Variants in ZNF385D observed in about 807,000 individuals in gnomAD.
ZNF385D encodes the protein zinc finger protein 659.
Under a neutral mutation model 35.8 loss-of-function variants are expected in ZNF385D, and 15 were observed. The ratio of observed to expected loss-of-function variants is 0.42; its 90% confidence interval spans 0.28 to 0.64. ZNF385D has a LOEUF of 0.64. Ranked by LOEUF, ZNF385D falls within the 30% of genes least tolerant of loss-of-function variation. ZNF385D has a pLI of 0.23. For synonymous variants in ZNF385D, 212 were observed against 186.8 expected (o/e 1.13, Z -1.10); for missense variants, 474 against 494.6 (o/e 0.96, Z 0.39).
chr3:21,648,965 T>C (rs1423772260), intron 2 of ZNF385D, among the ~76,000 whole-genome samples: 1 of 152,026 alleles, frequency 6.6e-6, no homozygotes, highest in East Asian at 1.9e-4. Flanking sequence ...GGAGACCAAG[T>C]AACTTTCCCT....
At chr3:21,833,718 A>G (rs1003324644) in intron 3 of ZNF385D, among the ~76,000 whole-genome samples, 1 of 152,214 alleles carries the variant, frequency 6.6e-6, no homozygotes, top group African/African-American at 2.4e-5. Context: ...ACTTGGAATC[A>G]AATGCTACGC....
At chr3:22,321,161 CTTG>C (rs1247763242) in intron 2 of ZNF385D, among the ~76,000 whole-genome samples, 10 of 51,566 alleles carry the variant, frequency 1.9e-4, no homozygotes, top group Admixed American at 9.4e-4. Context: ...CACTTATGAC[CTTG>C]TTTTTTTTTT....
intron 1 of ZNF385D, among the ~76,000 whole-genome samples, chr3:21,717,181 G>A (rs2068356894): frequency 1.3e-5 from 2 of 152,148 alleles, no homozygotes; most frequent in African/African-American, 4.8e-5. Context: ...GTTAATAAAT[G>A]TATAAATGGT....
In ZNF385D at chr3:21,910,657, C is replaced by G. The variant is rs564725198; in HGVS notation, c.326-245629G>C. 3.3e-5 allele frequency among the ~76,000 whole-genome samples: 5 copies of G among 151,630 alleles called. No homozygotes were observed. In the East Asian group the frequency reaches 7.7e-4, roughly 23 times the overall value. On this transcript the variant is annotated intron_variant, in intron 3 of 5. Coordinates refer to the ZNF385D transcript ENST00000494108. ...ATAATAATATAATTGTGTGAATGAA[C>G]AGACATGATTGATAGGTCAAAATAT...
intron 3 of ZNF385D, among the ~76,000 whole-genome samples, chr3:22,154,451 A>G (rs942367852): frequency 1.3e-5 from 2 of 152,194 alleles, no homozygotes; most frequent in Non-Finnish European, 2.9e-5. Flanking sequence ...GTAAGAAAAC[A>G]GAAGAAAATC....
intron 2 of ZNF385D, among the ~76,000 whole-genome samples, chr3:21,648,751 A>G (rs917189360): frequency 2.6e-5 from 4 of 152,150 alleles, no homozygotes; most frequent in African/African-American, 7.2e-5. Context: ...GAAAAGAGCA[A>G]TCATCATTGC....
intron 2 of ZNF385D, among the ~76,000 whole-genome samples, chr3:22,368,714 G>T (rs995517961): frequency 2.6e-5 from 4 of 152,024 alleles, no homozygotes; most frequent in Admixed American, 6.5e-5. Flanking sequence ...CATTACAGGG[G>T]CTCTACCCTT....
intron 1 of ZNF385D, among the ~76,000 whole-genome samples, chr3:21,745,684 G>A (rs934962886): frequency 6.6e-6 from 1 of 152,210 alleles, no homozygotes; most frequent in African/African-American, 2.4e-5. Flanking sequence ...CAGACAGAAA[G>A]AGAGAGGGCA....
chr3:22,187,871 C>G (rs1475579486), intron 2 of ZNF385D, among the ~76,000 whole-genome samples: 1 of 152,086 alleles, frequency 6.6e-6, no homozygotes, highest in Non-Finnish European at 1.5e-5. Context: ...TCCTTTCTCC[C>G]AGGGTAGCTG....
At chr3:21,972,931 G>T (rs966947832) in intron 3 of ZNF385D, among the ~76,000 whole-genome samples, 5 of 151,878 alleles carry the variant, frequency 3.3e-5, no homozygotes, top group African/African-American at 1.2e-4. Flanking sequence ...TAATAAGAAA[G>T]TCTCCCAGCA....
chr3:22,117,285 T>G (rs76890680), intron 3 of ZNF385D, among the ~76,000 whole-genome samples: 3,291 of 152,178 alleles, frequency 0.022, 50 homozygotes, highest in Middle Eastern at 0.044. Flanking sequence ...GCAATATACT[T>G]TGAGCAATAT....
At chr3:22,233,057 C>T (rs144966842) in intron 2 of ZNF385D, among the ~76,000 whole-genome samples, 67 of 152,056 alleles carry the variant, frequency 4.4e-4, no homozygotes, top group Non-Finnish European at 7.9e-4. Context: ...ACCATGATGC[C>T]CTGGGAAATT....
chr3:21,850,086 C>A (rs768837647), intron 3 of ZNF385D, among the ~76,000 whole-genome samples: 4 of 152,038 alleles, frequency 2.6e-5, no homozygotes, highest in Non-Finnish European at 4.4e-5. Context: ...ATTATGGCAA[C>A]TTATAATTTA....
chr3:21,919,842 A>G (rs1306143310), intron 3 of ZNF385D, among the ~76,000 whole-genome samples: 1 of 152,206 alleles, frequency 6.6e-6, no homozygotes, highest in Non-Finnish European at 1.5e-5. Flanking sequence ...AGAACTGAAT[A>G]ACTTTTCTGA....
At chr3:21,872,737 G>A (rs928116130) in intron 3 of ZNF385D, among the ~76,000 whole-genome samples, 2 of 151,986 alleles carry the variant, frequency 1.3e-5, no homozygotes, top group African/African-American at 4.8e-5. Flanking sequence ...AGGGATAAAA[G>A]CATCAAAAAA....
intron 2 of ZNF385D, among the ~76,000 whole-genome samples, chr3:22,292,313 T>A (rs565625109): frequency 6.6e-6 from 1 of 152,192 alleles, no homozygotes; most frequent in East Asian, 1.9e-4. Context: ...ATGCTGTATA[T>A]TTACTCATTA....
chr3:22,045,593 C>A (rs1456246395), intron 3 of ZNF385D, among the ~76,000 whole-genome samples: 10 of 152,186 alleles, frequency 6.6e-5, no homozygotes, highest in African/African-American at 2.4e-4. Context: ...TTAACAGCAC[C>A]CGCATAGTGT....
intron 3 of ZNF385D, among the ~76,000 whole-genome samples, chr3:21,920,635 A>AAC (rs1221541677): frequency 5.3e-5 from 8 of 151,900 alleles, no homozygotes; most frequent in Non-Finnish European, 8.8e-5. Flanking sequence ...AAAAAAAAAA[A>AAC]AAAGATGAAA....
intron 3 of ZNF385D, among the ~76,000 whole-genome samples, chr3:22,165,379 G>A (rs1706246281): frequency 6.6e-6 from 1 of 152,174 alleles, no homozygotes; most frequent in East Asian, 1.9e-4. Flanking sequence ...TCTGATGGCT[G>A]TGGAAAGATG....
Sources: allele counts gnomAD v4.1 joint callset (sites outside exome capture counted in the v4.1 genomes callset), GRCh38; gene constraint gnomAD v4.1.1; transcripts MANE v1.5; gene names NCBI Gene and HGNC (gene_info 2026-07-23, HGNC 2026-07-21).